CDH18: variants seen among roughly 807,000 people sequenced by gnomAD.
CDH18 encodes cadherin 18.
CDH18 carries 31 observed loss-of-function variants against 67.9 expected under a neutral mutation model. The ratio of observed to expected loss-of-function variants is 0.46; its 90% confidence interval spans 0.34 to 0.62. CDH18 has a LOEUF of 0.62. CDH18 is among the 20% of genes least tolerant of loss of function. The probability of loss-of-function intolerance (pLI) is 0.01; values close to 1 mark genes in which losing one functional copy is unlikely to be tolerated. For missense variants in CDH18, 890 were observed against 975.5 expected (o/e 0.91, Z 1.17); for synonymous variants, 362 against 347.2 (o/e 1.04, Z -0.48).
chr5:19,731,262 AC>A (rs1157754404), intron 4 of CDH18, among the ~76,000 whole-genome samples: 1 of 152,114 alleles, frequency 6.6e-6, no homozygotes, highest in Non-Finnish European at 1.5e-5. Flanking sequence ...ATACTGGCTA[AC>A]ATGGTGAAAC....
At chr5:19,870,351 C>G (rs1168128564) in intron 2 of CDH18, among the ~76,000 whole-genome samples, 2 of 152,050 alleles carry the variant, frequency 1.3e-5, no homozygotes, top group Non-Finnish European at 2.9e-5. Context: ...TTATGCTATC[C>G]TAATACAGTT....
chr5:19,607,268 T>C (rs888687376), intron 6 of CDH18, among the ~76,000 whole-genome samples: 19 of 151,546 alleles, frequency 1.3e-4, no homozygotes, highest in Middle Eastern at 9.4e-3. Context: ...GGTAAATTAT[T>C]ACTGTCTTAA....
rs576490292 is a variant in CDH18, at chr5:20,272,414, G to C, written c.-579-16909C>G. Among the ~76,000 whole-genome samples the C allele has an allele frequency of 1.8e-3, 279 of 152,032 alleles. 1 individual carries two copies. Among genetic ancestry groups the C allele is most frequent in the African/African-American group, 6.3e-3 (263 of 41,506 alleles). On this transcript the variant is annotated intron_variant, in intron 1 of 14. Transcript: ENST00000507958. Reference sequence around the variant, plus strand: ...TTTCAAAGACTGATTGGGAGGGAAGGCTTTGACACAGTATGTTGAGGGAGT... The same window carrying C: ...TTTCAAAGACTGATTGGGAGGGAAGCCTTTGACACAGTATGTTGAGGGAGT...
At chr5:19,938,761 T>C (rs2150224251) in intron 2 of CDH18, among the ~76,000 whole-genome samples, 1 of 151,626 alleles carries the variant, frequency 6.6e-6, no homozygotes, top group East Asian at 1.9e-4. Flanking sequence ...GTTATAAAGG[T>C]ACTCTGTATA....
Position 20,297,441 on chromosome 5 carries a change from C to A in CDH18, c.-579-41936G>T, listed in dbSNP as rs541307927. On this transcript the variant is annotated intron_variant, in intron 1 of 14. Coordinates refer to the CDH18 transcript ENST00000507958. ...CTCAACCAATACATATTATTTCAACCATTTTCTTACAGAAGGATCATGGCT... is the reference window on the plus strand; with the variant it reads ...CTCAACCAATACATATTATTTCAACAATTTTCTTACAGAAGGATCATGGCT... Among the ~76,000 whole-genome samples the A allele has an allele frequency of 2.1e-4, 32 of 152,300 alleles. No individual in the cohort carries two copies. In the South Asian group the frequency reaches 4.8e-3, roughly 23 times the overall value.
intron 3 of CDH18, among the ~76,000 whole-genome samples, chr5:19,788,645 G>T (rs1227489117): frequency 6.6e-6 from 1 of 152,068 alleles, no homozygotes; most frequent in Non-Finnish European, 1.5e-5. Flanking sequence ...TTCTATCATT[G>T]ACAAGATTGA....
At chr5:19,612,403 T>A (rs548985599) in intron 6 of CDH18, 31 bp downstream of exon 6, 28 of 1,604,618 alleles carry the variant, frequency 1.7e-5, no homozygotes, top group Non-Finnish European at 2.4e-5. Flanking sequence ...GAGATAATGA[T>A]AAATTCAAAT....
chr5:20,416,848 A>T (rs1747353308), intron 1 of CDH18, among the ~76,000 whole-genome samples: 1 of 152,122 alleles, frequency 6.6e-6, no homozygotes, highest in Non-Finnish European at 1.5e-5. Context: ...TGAAAAAATA[A>T]TTCCAGGATC....
At chr5:19,799,445 C>G (rs983442647) in intron 3 of CDH18, among the ~76,000 whole-genome samples, 12 of 150,842 alleles carry the variant, frequency 8.0e-5, no homozygotes, top group Admixed American at 7.9e-4. Flanking sequence ...AACACACACA[C>G]ACACACACAC....
chr5:19,485,715 G>T (rs1283504907), intron 11 of CDH18, among the ~76,000 whole-genome samples: 1 of 152,204 alleles, frequency 6.6e-6, no homozygotes, highest in Non-Finnish European at 1.5e-5. Context: ...ACAATGAACA[G>T]AAGTCTTTAG....
chr5:20,218,206 C>G (rs1291205604), intron 2 of CDH18, among the ~76,000 whole-genome samples: 1 of 151,934 alleles, frequency 6.6e-6, no homozygotes, highest in Non-Finnish European at 1.5e-5. Context: ...CCAACAGGTG[C>G]AGAATACACA....
chr5:19,575,723 G>A (rs1742208677), intron 7 of CDH18, among the ~76,000 whole-genome samples: 1 of 152,094 alleles, frequency 6.6e-6, no homozygotes, highest in African/African-American at 2.4e-5. Context: ...CAAACAGGTT[G>A]GGTTGTAACA....
At chr5:19,749,164 A>C (rs9687942) in intron 3 of CDH18, among the ~76,000 whole-genome samples, 146,561 of 152,060 alleles carry the variant, frequency 0.96, 70,852 homozygotes, top group Middle Eastern at 1. Context: ...GTCAATAGAG[A>C]AACCTATTTC....
chr5:20,468,873 G>T (rs2471147), intron 1 of CDH18, among the ~76,000 whole-genome samples: 75,710 of 151,702 alleles, frequency 0.5, 19,195 homozygotes, highest in Non-Finnish European at 0.54. Flanking sequence ...CACATATTAG[G>T]TAAAGGGCTA....
At chr5:20,124,119 C>G (rs1323683775) in intron 2 of CDH18, among the ~76,000 whole-genome samples, 6 of 152,000 alleles carry the variant, frequency 3.9e-5, no homozygotes, top group Non-Finnish European at 5.9e-5. Context: ...CCAGAGAATA[C>G]TCAGTATTAC....
At chr5:19,547,624 T>A (rs1362532763) in intron 8 of CDH18, among the ~76,000 whole-genome samples, 1 of 152,190 alleles carries the variant, frequency 6.6e-6, no homozygotes. Context: ...TGGCTTAATA[T>A]TTTTAGAGTT....
At chr5:20,514,588 G>A (rs1561083378) in intron 1 of CDH18, among the ~76,000 whole-genome samples, 1 of 152,052 alleles carries the variant, frequency 6.6e-6, no homozygotes, top group Non-Finnish European at 1.5e-5. Flanking sequence ...TAGTAGCTAA[G>A]TAATGTGCTT....
chr5:20,045,800 C>A (rs1740844670), intron 2 of CDH18, among the ~76,000 whole-genome samples: 1 of 151,962 alleles, frequency 6.6e-6, no homozygotes, highest in Non-Finnish European at 1.5e-5. Flanking sequence ...GGTGTCCCTG[C>A]CATAGAGACA....
At chr5:20,404,186 ATGT>A (rs1471350416) in intron 1 of CDH18, among the ~76,000 whole-genome samples, 1 of 152,178 alleles carries the variant, frequency 6.6e-6, no homozygotes, top group Non-Finnish European at 1.5e-5. Flanking sequence ...GCTTAAGCAA[ATGT>A]TGTGGCTTGT....
Sources: gnomAD v4.1 joint callset for allele counts (sites outside exome capture counted in the v4.1 genomes callset) on GRCh38, gnomAD v4.1.1 for gene constraint, MANE v1.5 for transcripts, NCBI Gene and HGNC (gene_info 2026-07-23, HGNC 2026-07-21) for gene names.